Variants in ANK1 observed in about 807,000 individuals in gnomAD.
The protein encoded by ANK1 is ankyrin-1.
Under a neutral mutation model 210.4 loss-of-function variants are expected in ANK1, and 51 were observed. The ratio of observed to expected loss-of-function variants is 0.24; its 90% CI spans 0.19 to 0.31. The LOEUF (loss-of-function observed/expected upper bound fraction) is 0.31. Ranked by LOEUF, ANK1 falls within the 10% of genes least tolerant of loss-of-function variation. ANK1 has a pLI of 1.00. For missense variants in ANK1, 2,051 were observed against 2,504.4 expected (o/e 0.82, Z 3.86); for synonymous variants, 967 against 1,025.9 (o/e 0.94, Z 1.10).
At position 41,763,684 on chromosome 8, in the gene ANK1, C is replaced by T. The variant is rs190952730; in HGVS notation, c.28-5547G>A. Among the ~76,000 whole-genome samples, 806 of 152,186 alleles carry T rather than the reference C, an allele frequency of 5.3e-3. 5 individuals are homozygous for T. Among genetic ancestry groups the T allele is most frequent in the Non-Finnish European group, 8.3e-3 (567 of 68,004 alleles). ...GCAGAGGAAAAATGCTAGGAGGTCCCACTCAGGCTCTGTCCCTGAGCACTC... is the reference window on the plus strand; with the variant it reads ...GCAGAGGAAAAATGCTAGGAGGTCCTACTCAGGCTCTGTCCCTGAGCACTC... On this transcript the variant is annotated intron_variant, in intron 1 of 42. Coordinates refer to ENST00000289734, the MANE Select transcript of ANK1 (RefSeq NM_000037.4).
intron 1 of ANK1, among the ~76,000 whole-genome samples, chr8:41,844,124 C>T (rs1372898558): frequency 6.6e-6 from 1 of 152,208 alleles, no homozygotes; most frequent in East Asian, 1.9e-4. Flanking sequence ...CCTCCCACCT[C>T]GGCTTCCCAA....
chr8:41,728,036 C>T (rs771475744), intron 3 of ANK1, 30 bp from the exon 4 acceptor site: 76 of 1,609,286 alleles, frequency 4.7e-5, no homozygotes, highest in Middle Eastern at 1.7e-4. Flanking sequence ...GGAACAGAGG[C>T]GGTTTCCCAC....
At chr8:41,668,691 G>T in intron 38 of ANK1, 127 bp from the exon 39 acceptor site, 3 of 1,075,548 alleles carry the variant, frequency 2.8e-6, no homozygotes, top group Non-Finnish European at 3.9e-6. Context: ...GACACAGACC[G>T]TCCTCCCATC....
intron 35 of ANK1, among the ~76,000 whole-genome samples, 159 bp from the exon 36 acceptor site, chr8:41,686,442 A>T (rs897151101): frequency 6.6e-6 from 1 of 152,206 alleles, no homozygotes; most frequent in Non-Finnish European, 1.5e-5. Context: ...CTTCCTTCTT[A>T]TCAAGAAATT....
intron 1 of ANK1, among the ~76,000 whole-genome samples, chr8:41,869,015 A>G (rs1341665151): frequency 1.3e-5 from 2 of 152,216 alleles, no homozygotes; most frequent in Non-Finnish European, 2.9e-5. Context: ...ATTCGTTGGC[A>G]AGATTAAATG....
intron 37 of ANK1, among the ~76,000 whole-genome samples, chr8:41,684,129 T>C (rs1816955090): frequency 6.6e-6 from 1 of 152,144 alleles, no homozygotes; most frequent in South Asian, 2.1e-4. Context: ...CCACTGACTG[T>C]TTTACAGATG....
intron 1 of ANK1, among the ~76,000 whole-genome samples, chr8:41,770,688 T>C (rs1842811407): frequency 6.6e-6 from 1 of 152,164 alleles, no homozygotes; most frequent in Non-Finnish European, 1.5e-5. Context: ...ATGACCTCCT[T>C]AGGGTTGAGG....
intron 1 of ANK1, among the ~76,000 whole-genome samples, chr8:41,822,064 A>AAGAGAGAGAGAG (rs10605195): frequency 4.4e-4 from 16 of 36,210 alleles, no homozygotes; most frequent in African/African-American, 1.3e-3. Context: ...GAAAGAAAGA[A>AAGAGAGAGAGAG]AGAGAGAGAG....
At chr8:41,755,881 G>A (rs994347039) in intron 2 of ANK1, among the ~76,000 whole-genome samples, 6 of 152,216 alleles carry the variant, frequency 3.9e-5, no homozygotes, top group Non-Finnish European at 8.8e-5. Flanking sequence ...GATGAGAAAA[G>A]GGGCGGGGGG....
At chr8:41,809,442 T>A (rs1465589969) in intron 1 of ANK1, among the ~76,000 whole-genome samples, 1 of 152,172 alleles carries the variant, frequency 6.6e-6, no homozygotes, top group Admixed American at 6.5e-5. Context: ...TCAATTATCA[T>A]GAAAAATTGT....
intron 2 of ANK1, among the ~76,000 whole-genome samples, chr8:41,749,502 G>GGTCA (rs1407413096): frequency 2.6e-5 from 4 of 151,818 alleles, no homozygotes; most frequent in African/African-American, 9.7e-5. Context: ...TCACCATGTT[G>GGTCA]GTCAGGCTGG....
chr8:41,758,480 G>A (rs1208429643), intron 1 of ANK1, among the ~76,000 whole-genome samples: 2 of 152,036 alleles, frequency 1.3e-5, no homozygotes, highest in Non-Finnish European at 2.9e-5. Context: ...CTACAGGTGT[G>A]TACCACCAAG....
chr8:41,727,574 T>G (rs867343398), intron 4 of ANK1, among the ~76,000 whole-genome samples: 4 of 152,152 alleles, frequency 2.6e-5, no homozygotes, highest in Admixed American at 1.3e-4. Context: ...TCTCTTCAGC[T>G]CACATACTCC....
rs771017178 is a variant in ANK1, at chr8:41,696,699, C to G, written c.2712G>C (p.Pro904=). The change falls in exon 25 of 43, where the codon CCG becomes CCC. Residue 904 remains proline, a synonymous_variant. Coordinates refer to ENST00000289734, the MANE Select transcript of ANK1 (RefSeq NM_000037.4). ...ACCCTGTATGCACCGGGCTGGCCAC[C>G]GGGCTGATGTTGTCTGAGGTCTCGG... ...PATETSDNIS[P]VASPVHTGFL... The G allele has an allele frequency of 1.2e-6, 2 of 1,603,378 alleles. No individual in the cohort carries two copies. Among genetic ancestry groups the G allele is most frequent in the Admixed American group, 3.3e-5 (2 of 59,994 alleles).
At chr8:41,730,455 T>C (rs574321917) in intron 3 of ANK1, among the ~76,000 whole-genome samples, 45 of 151,116 alleles carry the variant, frequency 3.0e-4, no homozygotes, top group South Asian at 6.2e-4. Flanking sequence ...TTCTTTCTTT[T>C]TTTTTTTTTT....
chr8:41,883,606 C>T (rs983362912), intron 1 of ANK1, among the ~76,000 whole-genome samples: 3 of 152,098 alleles, frequency 2.0e-5, no homozygotes, highest in East Asian at 1.9e-4. Context: ...AATACAGGCA[C>T]GCACCACCAC....
chr8:41,834,221 G>A (rs1807197945), intron 1 of ANK1, among the ~76,000 whole-genome samples: 1 of 152,220 alleles, frequency 6.6e-6, no homozygotes, highest in African/African-American at 2.4e-5. Flanking sequence ...GGCTCTGGCT[G>A]CCGAGGCCTC....
rs537883979 is a variant in ANK1, at chr8:41,813,408, G to A, written c.127-55271C>T. ...TTAAGAAAATTCAGGTTCCAGTACAGTTTAGAGGTAGATAAACATCTCAAG... is the reference window on the plus strand; with the variant it reads ...TTAAGAAAATTCAGGTTCCAGTACAATTTAGAGGTAGATAAACATCTCAAG... On this transcript the variant is annotated intron_variant, in intron 1 of 42. Coordinates refer to the ANK1 transcript ENST00000265709. 5.3e-5 allele frequency among the ~76,000 whole-genome samples: 8 copies of A among 152,264 alleles called. No homozygotes were observed. The South Asian group carries it at 1.2e-3, about 24-fold the overall frequency.
At chr8:41,856,442 A>C in intron 1 of ANK1, among the ~76,000 whole-genome samples, 1 of 152,252 alleles carries the variant, frequency 6.6e-6, no homozygotes, top group Non-Finnish European at 1.5e-5. Context: ...TATTATAATT[A>C]GGAAAACCTG....
Sources: gnomAD v4.1 joint callset for allele counts (sites outside exome capture counted in the v4.1 genomes callset) on GRCh38, gnomAD v4.1.1 for gene constraint, MANE v1.5 for transcripts, NCBI Gene and HGNC (gene_info 2026-07-23, HGNC 2026-07-21) for gene names.